CNST: variants seen among roughly 807,000 people sequenced by gnomAD.
CNST encodes consortin.
Under a neutral mutation model 72.4 loss-of-function variants are expected in CNST, and 39 were observed. The observed-to-expected ratio is 0.54, with a 90% CI of 0.42 to 0.70. CNST has a LOEUF of 0.70. CNST is among the 30% of genes least tolerant of loss of function. The pLI is 0.00. For missense variants in CNST, 871 were observed against 868.5 expected (o/e 1.00, Z -0.04); for synonymous variants, 332 against 320.1 (o/e 1.04, Z -0.40).
intron 9 of CNST, among the ~76,000 whole-genome samples, chr1:246,649,156 G>GTTTTTTTTTTTT (rs767552283): frequency 2.7e-5 from 2 of 73,790 alleles, no homozygotes; most frequent in Non-Finnish European, 2.7e-5. Context: ...ACAGACTGTT[G>GTTTTTTTTTTTT]TTTTGTTTTT....
rs1276491160 is a variant in CNST at position 246,636,087 on chromosome 1, G to A, written c.818+1500G>A. Among the ~76,000 whole-genome samples the A allele has an allele frequency of 3.3e-5, 5 of 152,190 alleles. No individual in the cohort carries two copies. The East Asian group carries it at 5.8e-4, about 18-fold the overall frequency. ...ATAGTGCACTTAGGCAGGGGTATGC[G>A]GCAGAAGAGTTAGTGGTGTTTGTAC... On this transcript the variant is annotated intron_variant, in intron 6 of 10. Coordinates refer to ENST00000366513, the MANE Select transcript of CNST (RefSeq NM_152609.3).
chr1:246,592,606 A>G (rs1661615792), intron 2 of CNST, among the ~76,000 whole-genome samples: 1 of 152,220 alleles, frequency 6.6e-6, no homozygotes, highest in Non-Finnish European at 1.5e-5. Context: ...TTTTCTACCA[A>G]TATCAACCTT....
At chr1:246,644,640 C>G (rs1665933056) in intron 8 of CNST, among the ~76,000 whole-genome samples, 1 of 152,182 alleles carries the variant, frequency 6.6e-6, no homozygotes, top group South Asian at 2.1e-4. Context: ...AGCTGCTCCC[C>G]TAGATAACTG....
At chr1:246,628,728 C>G (rs569234733) in intron 3 of CNST, among the ~76,000 whole-genome samples, 4 of 152,172 alleles carry the variant, frequency 2.6e-5, no homozygotes, top group Non-Finnish European at 4.4e-5. Context: ...CCAGATACCC[C>G]CTTCTTCACA....
At chr1:246,621,282 GT>G in intron 2 of CNST, 146 bp from the exon 3 acceptor site, 1 of 678,360 alleles carries the variant, frequency 1.5e-6, no homozygotes, top group Non-Finnish European at 2.6e-6. Flanking sequence ...TTCTTTAGTG[GT>G]TTCATATGAT....
At position 246,660,347 on chromosome 1, in the gene CNST, G is replaced by T. The variant is rs1227885215; in HGVS notation, c.1972+13G>T. On this transcript the variant is annotated intron_variant, in intron 10 of 10. Coordinates refer to ENST00000366513, the MANE Select transcript of CNST (RefSeq NM_152609.3). ...AGCTTGGATCAAGGTAAACCGCTTG[G>T]CACTGTGGCTAGCAGGATAGATGCT... 4 of 1,609,442 alleles carry T rather than the reference G, an allele frequency of 2.5e-6. No homozygotes were observed. Among genetic ancestry groups the T allele is most frequent in the Non-Finnish European group, 3.4e-6 (4 of 1,178,640 alleles).
intron 9 of CNST, among the ~76,000 whole-genome samples, chr1:246,651,496 T>C (rs2103143744): frequency 6.6e-6 from 1 of 152,356 alleles, no homozygotes; most frequent in Non-Finnish European, 1.5e-5. Flanking sequence ...TGGAATTTGG[T>C]TTTGATCATC....
At position 246,591,907 on chromosome 1, in the gene CNST, A is replaced by C. The variant is rs1472500705; in HGVS notation, c.345A>C (p.Arg115Ser). 6 of 1,613,888 alleles carry C rather than the reference A, an allele frequency of 3.7e-6. No individual in the cohort carries two copies. Among genetic ancestry groups the C allele is most frequent in the Non-Finnish European group, 5.1e-6 (6 of 1,179,940 alleles). The change falls in exon 2 of 11, where the codon AGA becomes AGC. Residue 115 changes from arginine (R) to serine (S), a missense_variant. Transcript: ENST00000366513. ...AAATTCCTGGAAAAAGAAGTCCAAG[A>C]AGCAAAAAAGGGACTGCTAAGAAGA... ...DKKIPGKRSP[R>S]SKKGTAKKIP...
intron 9 of CNST, among the ~76,000 whole-genome samples, chr1:246,655,906 A>G (rs928385999): frequency 6.6e-6 from 1 of 152,248 alleles, no homozygotes. Flanking sequence ...CATAAAATGT[A>G]CACATTTACT....
At chr1:246,653,112 C>T (rs946337475) in intron 9 of CNST, among the ~76,000 whole-genome samples, 3 of 152,086 alleles carry the variant, frequency 2.0e-5, no homozygotes, top group African/African-American at 7.2e-5. Context: ...CTGCTTGTAT[C>T]ACATGAAGCA....
intron 1 of CNST, among the ~76,000 whole-genome samples, chr1:246,582,672 C>T (rs1434933551): frequency 6.6e-6 from 1 of 152,232 alleles, no homozygotes; most frequent in Non-Finnish European, 1.5e-5. Context: ...TCAGGCTCGT[C>T]ACTACTTTAC....
chr1:246,664,707 T>C (rs929358345), intron 10 of CNST, among the ~76,000 whole-genome samples: 37 of 152,146 alleles, frequency 2.4e-4, no homozygotes, highest in African/African-American at 6.5e-4. Flanking sequence ...ATTACAGGCG[T>C]GAGCCACCAC....
intron 4 of CNST, chr1:246,632,572 A>G: frequency 6.1e-6 from 1 of 165,104 alleles, no homozygotes; most frequent in Non-Finnish European, 1.4e-5. Flanking sequence ...CTTCTGAGTG[A>G]TCATGAAGAC....
rs141803892 is a variant in CNST at position 246,574,072 on chromosome 1, C to G, written c.-52+7409C>G. Among the ~76,000 whole-genome samples, 240 of 152,302 alleles carry G rather than the reference C, an allele frequency of 1.6e-3. 2 individuals are homozygous for G. The highest frequency in any genetic ancestry group is 5.6e-3 in the African/African-American group (232 of 41,562). ...TGTTTTTTAATAAAACTGAGTCTCG[C>G]TCTGTTGCCCAGGCTGGAGTGCAGT... On this transcript the variant is annotated intron_variant, in intron 1 of 10. Transcript: ENST00000366513.
rs1333611939 is a variant in CNST at position 246,631,912 on chromosome 1, CAGG to C, written c.612_614del (p.Glu204del). ...TTAACAGATAGCAGAATCCTATTTCCAGGAGGAGGACTGTATCCTTTTCTTAAT... is the reference window on the plus strand; with the variant it reads ...TTAACAGATAGCAGAATCCTATTTCCAGGAGGACTGTATCCTTTTCTTAAT... On this transcript the variant is annotated inframe_deletion, in exon 4 of 11. Coordinates refer to ENST00000366513, the MANE Select transcript of CNST (RefSeq NM_152609.3). 2 of 1,549,256 alleles carry C rather than the reference CAGG, an allele frequency of 1.3e-6. No individual in the cohort carries two copies. Among genetic ancestry groups the C allele is most frequent in the Non-Finnish European group, 1.8e-6 (2 of 1,131,896 alleles).
At chr1:246,573,675 G>A (rs1660202117) in intron 1 of CNST, among the ~76,000 whole-genome samples, 1 of 152,160 alleles carries the variant, frequency 6.6e-6, no homozygotes, top group African/African-American at 2.4e-5. Context: ...AGCTGCGAGT[G>A]CAAAAACCTT....
intron 9 of CNST, among the ~76,000 whole-genome samples, chr1:246,649,399 G>T (rs550578185): frequency 6.6e-6 from 1 of 151,962 alleles, no homozygotes; most frequent in Non-Finnish European, 1.5e-5. Context: ...TAGAGCTAAT[G>T]GTATAGCACT....
chr1:246,626,791 A>G (rs976803147), intron 3 of CNST, among the ~76,000 whole-genome samples: 14 of 152,066 alleles, frequency 9.2e-5, no homozygotes, highest in African/African-American at 2.9e-4. Flanking sequence ...AGACTTAACT[A>G]TCCAGCAACT....
chr1:246,654,045 C>T (rs757050144), intron 9 of CNST, among the ~76,000 whole-genome samples: 1 of 152,158 alleles, frequency 6.6e-6, no homozygotes, highest in Admixed American at 6.5e-5. Context: ...TGAGTTTAAA[C>T]TCCTGCTATG....
Sources: gnomAD v4.1 joint callset for allele counts (sites outside exome capture counted in the v4.1 genomes callset) on GRCh38, gnomAD v4.1.1 for gene constraint, MANE v1.5 for transcripts, NCBI Gene and HGNC (gene_info 2026-07-23, HGNC 2026-07-21) for gene names.